Variants in ITPR1 observed in about 807,000 individuals in gnomAD.
ITPR1 encodes inositol 1,4,5-trisphosphate-gated calcium channel ITPR1.
ITPR1 carries 96 observed loss-of-function variants against 318.4 expected under a neutral mutation model. The observed-to-expected ratio is 0.30, with a 90% CI of 0.26 to 0.36. ITPR1 has a LOEUF of 0.36. ITPR1 is among the 10% of genes least tolerant of loss of function. The pLI is 1.00. For missense variants in ITPR1, 2,440 were observed against 3,460.2 expected (o/e 0.71, Z 7.40); for synonymous variants, 1,312 against 1,289.9 (o/e 1.02, Z -0.37).
At chr3:4,674,596 T>C (rs1181162745) in intron 22 of ITPR1, among the ~76,000 whole-genome samples, 1 of 152,220 alleles carries the variant, frequency 6.6e-6, no homozygotes, top group African/African-American at 2.4e-5. Context: ...AGAACATCAC[T>C]TTGTGTTAAA....
intron 4 of ITPR1, among the ~76,000 whole-genome samples, chr3:4,604,232 C>A (rs4684427): frequency 0.6 from 91,393 of 151,932 alleles, 29,158 homozygotes; most frequent in African/African-American, 0.82. Context: ...TGGAAGACTT[C>A]TGTGCTGGCA....
chr3:4,792,053 T>C (rs1424707444), intron 52 of ITPR1, among the ~76,000 whole-genome samples: 1 of 152,220 alleles, frequency 6.6e-6, no homozygotes, highest in Non-Finnish European at 1.5e-5. Context: ...TTCCAGCTGC[T>C]AGAGGCTACC....
chr3:4,652,241 TTC>T lies in ITPR1; in HGVS notation c.951+27_951+28del, dbSNP rs746403201. On this transcript the variant is annotated intron_variant, in intron 11 of 61. Coordinates refer to ENST00000649015, the MANE Select transcript of ITPR1 (RefSeq NM_001378452.1). ...GAGGTAAGTAGCAGCTCCTGTGGTT[TTC>T]TCTTTCAAGGCTGACGCACCTCACC... is the stretch of plus-strand genomic sequence containing the variant. 8.9e-6 allele frequency: 14 copies of T among 1,575,304 alleles called. No individual in the cohort carries two copies. In the African/African-American group the frequency reaches 9.4e-5, roughly 11 times the overall value.
intron 4 of ITPR1, among the ~76,000 whole-genome samples, chr3:4,621,738 T>C (rs2092642653): frequency 6.6e-6 from 1 of 152,216 alleles, no homozygotes; most frequent in South Asian, 2.1e-4. Context: ...CTACTACCAG[T>C]CCTGCTTTTC....
chr3:4,732,208 A>T (rs76907489), intron 42 of ITPR1, among the ~76,000 whole-genome samples: 20,200 of 152,220 alleles, frequency 0.13, 1,853 homozygotes, highest in Non-Finnish European at 0.2. Context: ...TTACTGAACA[A>T]TGGAGGTTTT....
At chr3:4,627,697 T>C in intron 4 of ITPR1, 66 bp from the exon 5 acceptor site, 2 of 929,396 alleles carry the variant, frequency 2.2e-6, no homozygotes, top group Non-Finnish European at 3.5e-6. Flanking sequence ...AAGCCTTTTT[T>C]TTTTCCTTAG....
intron 40 of ITPR1, among the ~76,000 whole-genome samples, chr3:4,719,360 C>T (rs1040317948): frequency 6.6e-5 from 10 of 152,184 alleles, no homozygotes; most frequent in Admixed American, 3.3e-4. Context: ...GCGGAGATGC[C>T]TCCTTGGCCT....
intron 4 of ITPR1, among the ~76,000 whole-genome samples, chr3:4,601,803 G>C (rs2091307958): frequency 6.6e-6 from 1 of 152,128 alleles, no homozygotes; most frequent in African/African-American, 2.4e-5. Flanking sequence ...TTTTTTTTAT[G>C]ATATGGGACC....
chr3:4,662,881 A>G (rs1439846702), intron 15 of ITPR1, among the ~76,000 whole-genome samples, 184 bp from the exon 16 acceptor site: 2 of 152,156 alleles, frequency 1.3e-5, no homozygotes, highest in African/African-American at 2.4e-5. Flanking sequence ...TTTGTGGACA[A>G]TGATATGTTT....
In ITPR1 at chr3:4,616,412, A is replaced by G. The variant is rs757190946; in HGVS notation, c.164-11351A>G. ...TTAACCCCCTTGGTGGGGAATTAATACTCCCTCTTCCCTGTGTTAATCATT... is the reference window on the plus strand; with the variant it reads ...TTAACCCCCTTGGTGGGGAATTAATGCTCCCTCTTCCCTGTGTTAATCATT... On this transcript the variant is annotated intron_variant, in intron 4 of 61. Coordinates refer to ENST00000649015, the MANE Select transcript of ITPR1 (RefSeq NM_001378452.1). Among the ~76,000 whole-genome samples, 3 of 151,838 alleles carry G rather than the reference A, an allele frequency of 2.0e-5. No homozygotes were observed. The South Asian group carries it at 6.2e-4, about 32-fold the overall frequency.
chr3:4,680,090 AG>A (rs2094267410), intron 24 of ITPR1, among the ~76,000 whole-genome samples: 1 of 152,244 alleles, frequency 6.6e-6, no homozygotes, highest in Non-Finnish European at 1.5e-5. Flanking sequence ...TACCCAAACC[AG>A]GGGAAACAAC....
chr3:4,626,150 T>TA (rs776106636), intron 4 of ITPR1, among the ~76,000 whole-genome samples: 27 of 149,502 alleles, frequency 1.8e-4, no homozygotes, highest in Non-Finnish European at 2.7e-4. Flanking sequence ...CCTATCTCTT[T>TA]AAAAAAAAAA....
intron 13 of ITPR1, among the ~76,000 whole-genome samples, chr3:4,659,760 ATATTG>A (rs2093794166): frequency 1.3e-5 from 2 of 152,130 alleles, no homozygotes; most frequent in South Asian, 2.1e-4. Context: ...CAACTAGTTA[ATATTG>A]TATTAACTGG....
At chr3:4,605,242 C>T (rs1320044789) in intron 4 of ITPR1, among the ~76,000 whole-genome samples, 1 of 152,150 alleles carries the variant, frequency 6.6e-6, no homozygotes, top group African/African-American at 2.4e-5. Flanking sequence ...CTGAGCCACC[C>T]TGCCCGGCCC....
At chr3:4,767,831 T>A (rs531370736) in intron 45 of ITPR1, among the ~76,000 whole-genome samples, 99 of 152,318 alleles carry the variant, frequency 6.5e-4, no homozygotes, top group African/African-American at 2.2e-3. Flanking sequence ...TTCTTTACAG[T>A]TCCCCTCATT....
At chr3:4,582,022 G>A (rs528801807) in intron 4 of ITPR1, among the ~76,000 whole-genome samples, 37 of 151,446 alleles carry the variant, frequency 2.4e-4, no homozygotes, top group Non-Finnish European at 4.9e-4. Flanking sequence ...GGGTTGTTAC[G>A]CCTTTAAAAA....
At chr3:4,687,622 C>A (rs2094416575) in intron 30 of ITPR1, among the ~76,000 whole-genome samples, 1 of 152,136 alleles carries the variant, frequency 6.6e-6, no homozygotes. Flanking sequence ...TTTAGAAATT[C>A]TTGTTCTGTT....
chr3:4,826,931 A>C lies in ITPR1; in HGVS notation c.8028+8689A>C, dbSNP rs2050115779. Among the ~76,000 whole-genome samples, 1 of 152,140 alleles carries C rather than the reference A, an allele frequency of 6.6e-6. No homozygotes were observed. Among genetic ancestry groups the C allele is most frequent in the Non-Finnish European group, 1.5e-5 (1 of 68,026 alleles). On this transcript the variant is annotated intron_variant, in intron 60 of 61. Transcript: ENST00000649015. This position sits in a 1 kb window ranked among gnomAD's most constrained non-coding sequence, Gnocchi z 4.2. Reference sequence around the variant, plus strand: ...GGGGCGTGAGTCAGGTATACCCAGGAGTCTAGTCTGTGAGACTGTGCAGGA... The same window carrying C: ...GGGGCGTGAGTCAGGTATACCCAGGCGTCTAGTCTGTGAGACTGTGCAGGA...
At chr3:4,687,381 A>G (rs145631481) in intron 30 of ITPR1, among the ~76,000 whole-genome samples, 79 of 152,274 alleles carry the variant, frequency 5.2e-4, no homozygotes, top group African/African-American at 1.7e-3. Flanking sequence ...TGAAGTGTGC[A>G]CTTTTGTTAT....
Sources: gnomAD v4.1 joint callset for allele counts (sites outside exome capture counted in the v4.1 genomes callset) on GRCh38, gnomAD v4.1.1 for gene constraint, Gnocchi (gnomAD v3.1) non-coding constraint, MANE v1.5 for transcripts, NCBI Gene and HGNC (gene_info 2026-07-23, HGNC 2026-07-21) for gene names.